The following CACNB2 variants were observed in gnomAD, a reference collection of about 807,000 sequenced individuals.
CACNB2 encodes the protein voltage-dependent L-type calcium channel subunit beta-2.
CACNB2 carries 42 observed loss-of-function variants against 73.3 expected under a neutral mutation model. The ratio of observed to expected loss-of-function variants is 0.57; its 90% confidence interval spans 0.45 to 0.74. CACNB2 has a LOEUF of 0.74. Ranked by LOEUF, CACNB2 falls within the 30% of genes least tolerant of loss-of-function variation. CACNB2 has a pLI of 0.00. For missense variants in CACNB2, 940 were observed against 853.0 expected (o/e 1.10, Z -1.27); for synonymous variants, 348 against 310.3 (o/e 1.12, Z -1.28).
At chr10:18,513,624 C>T (rs2050989024) in intron 6 of CACNB2, 1 of 302,798 alleles carries the variant, frequency 3.3e-6, no homozygotes, top group East Asian at 9.1e-5. Flanking sequence ...AAGAAAGTCA[C>T]TCAAATTCGC....
chr10:18,236,890 T>G (rs1366624584), intron 2 of CACNB2, among the ~76,000 whole-genome samples: 2 of 152,206 alleles, frequency 1.3e-5, no homozygotes, highest in Non-Finnish European at 2.9e-5. Context: ...TCTGACATCC[T>G]GGCTTATCTA....
Position 18,539,639 on chromosome 10 carries a change from G to A in CACNB2, c.1898G>A (p.Arg633His), listed in dbSNP as rs780045364. 113 of 1,613,404 alleles carry A rather than the reference G, an allele frequency of 7.0e-5. No individual in the cohort carries two copies. Among genetic ancestry groups the A allele is most frequent in the East Asian group, 2.5e-4 (11 of 44,846 alleles). The change falls in exon 14 of 14, where the codon CGC becomes CAC. Residue 633 changes from arginine to histidine, a missense_variant. Physicochemically the swap from Arg to His is conservative, Grantham distance 29. Transcript: ENST00000324631. Reference protein sequence around the residue: ...KQRSRHKSKDRYCEKDGEVIS... With the variant: ...KQRSRHKSKDHYCEKDGEVIS... ...CGCAGCCGTCATAAATCCAAGGATCGCTACTGTGAAAAGGATGGAGAAGTG... is the reference window on the plus strand; with the variant it reads ...CGCAGCCGTCATAAATCCAAGGATCACTACTGTGAAAAGGATGGAGAAGTG...
At chr10:18,324,230 T>C (rs969017277) in intron 2 of CACNB2, among the ~76,000 whole-genome samples, 1 of 152,170 alleles carries the variant, frequency 6.6e-6, no homozygotes, top group Non-Finnish European at 1.5e-5. Flanking sequence ...TTTGCATACA[T>C]GGGGTGGCTG....
intron 1 of CACNB2, among the ~76,000 whole-genome samples, chr10:18,147,981 G>A (rs1407262067): frequency 6.6e-6 from 1 of 151,988 alleles, no homozygotes; most frequent in Admixed American, 6.6e-5. Flanking sequence ...AAAGGTATAT[G>A]AAAATGGACT....
chr10:18,541,386 G>T lies in CACNB2; in HGVS notation c.*1662G>T, dbSNP rs1341259004. On this transcript the variant is annotated 3_prime_UTR_variant, in exon 14 of 14. Transcript: ENST00000324631. ...TGCCTCAATTACACTGCTGTAAGAA[G>T]CTTACAATGTCATCATGTTTAAGGC... The T allele has an allele frequency of 6.6e-6, 1 of 152,500 alleles. No homozygotes were observed. The highest frequency in any genetic ancestry group is 1.5e-5 in the Non-Finnish European group (1 of 68,036). The allele number at this position is 152,500 out of a possible 1,614,324, so 9.4% of individuals were successfully genotyped here.
intron 7 of CACNB2, chr10:18,514,649 A>C (rs1262051035): frequency 8.3e-7 from 1 of 1,208,208 alleles, no homozygotes; most frequent in African/African-American, 1.5e-5. Context: ...TCAACAGCTA[A>C]TTGAGTTCAT....
chr10:18,349,248 A>G (rs1017452187), intron 2 of CACNB2, among the ~76,000 whole-genome samples: 7 of 152,196 alleles, frequency 4.6e-5, no homozygotes, highest in African/African-American at 1.7e-4. Flanking sequence ...GACCGCTTCT[A>G]TTTGAAGGAT....
intron 2 of CACNB2, among the ~76,000 whole-genome samples, chr10:18,265,394 G>A (rs534303775): frequency 7.0e-4 from 106 of 152,132 alleles, no homozygotes; most frequent in African/African-American, 2.4e-3. Flanking sequence ...GCTTCCCAAA[G>A]GGCTGGGATT....
At chr10:18,424,625 C>T (rs1390939098) in intron 3 of CACNB2, among the ~76,000 whole-genome samples, 2 of 152,228 alleles carry the variant, frequency 1.3e-5, no homozygotes, top group East Asian at 1.9e-4. Context: ...GTGTTTCCCA[C>T]TCCCTTCCTG....
chr10:18,320,321 T>A (rs1351306393), intron 2 of CACNB2, among the ~76,000 whole-genome samples: 2 of 152,238 alleles, frequency 1.3e-5, no homozygotes, highest in African/African-American at 4.8e-5. Context: ...TGCATTGTTA[T>A]GTTTGTTTCA....
intron 6 of CACNB2, among the ~76,000 whole-genome samples, chr10:18,506,811 T>A (rs1420036561): frequency 2.0e-5 from 3 of 152,078 alleles, no homozygotes; most frequent in Non-Finnish European, 2.9e-5. Context: ...TATTTATTTA[T>A]TTTTTTGAGA....
chr10:18,374,236 A>G (rs547130566), intron 2 of CACNB2, among the ~76,000 whole-genome samples: 1 of 152,242 alleles, frequency 6.6e-6, no homozygotes, highest in Non-Finnish European at 1.5e-5. Flanking sequence ...AGTTTCCAGA[A>G]CAGGGAAGGC....
intron 2 of CACNB2, among the ~76,000 whole-genome samples, chr10:18,318,173 C>T (rs1221517656): frequency 6.6e-6 from 1 of 152,080 alleles, no homozygotes; most frequent in Non-Finnish European, 1.5e-5. Flanking sequence ...TCAAAACAGT[C>T]CTAGGCAAAA....
At chr10:18,188,918 C>G (rs1290363097) in intron 2 of CACNB2, among the ~76,000 whole-genome samples, 1 of 152,066 alleles carries the variant, frequency 6.6e-6, no homozygotes, top group African/African-American at 2.4e-5. Flanking sequence ...AGAATAGACT[C>G]TGAGAAGGGA....
At chr10:18,417,789 C>A (rs988976976) in intron 3 of CACNB2, among the ~76,000 whole-genome samples, 5 of 151,682 alleles carry the variant, frequency 3.3e-5, no homozygotes, top group Non-Finnish European at 7.4e-5. Context: ...GAAAAATAAT[C>A]AAATATCTAG....
intron 7 of CACNB2, among the ~76,000 whole-genome samples, chr10:18,515,373 T>A (rs1185748271): frequency 6.6e-6 from 1 of 152,238 alleles, no homozygotes; most frequent in Non-Finnish European, 1.5e-5. Context: ...TACCATGCTG[T>A]CTTTTAGAAT....
intron 2 of CACNB2, among the ~76,000 whole-genome samples, chr10:18,220,251 A>T (rs1360259424): frequency 4.3e-5 from 5 of 115,858 alleles, no homozygotes; most frequent in Non-Finnish European, 6.8e-5. Flanking sequence ...AGAGAGAGAG[A>T]GAGAGAGAGA....
intron 2 of CACNB2, among the ~76,000 whole-genome samples, chr10:18,275,402 C>T (rs909556583): frequency 1.3e-5 from 2 of 152,168 alleles, no homozygotes; most frequent in Non-Finnish European, 2.9e-5. Flanking sequence ...AGACTCCATA[C>T]ACACGTGGTT....
chr10:18,450,750 G>A (rs2046982533), intron 3 of CACNB2, among the ~76,000 whole-genome samples: 1 of 151,372 alleles, frequency 6.6e-6, no homozygotes, highest in African/African-American at 2.4e-5. Flanking sequence ...AGTCTCCTGA[G>A]TAGCTGGGAT....
Sources: allele counts gnomAD v4.1 joint callset (sites outside exome capture counted in the v4.1 genomes callset), GRCh38; gene constraint gnomAD v4.1.1; transcripts MANE v1.5; gene names NCBI Gene and HGNC (gene_info 2026-07-23, HGNC 2026-07-21).